Variants in CLOCK observed in about 807,000 individuals in gnomAD.
CLOCK encodes the protein clock circadian regulator.
Under a neutral mutation model 118.4 loss-of-function variants are expected in CLOCK, and 43 were observed. That is an observed-to-expected ratio of 0.36 (90% CI 0.28 to 0.47). The LOEUF (loss-of-function observed/expected upper bound fraction) is 0.47, where lower values mean the gene tolerates loss of function less well. Among genes scored for constraint, CLOCK ranks in the 20% least tolerant of loss-of-function variants. The probability of loss-of-function intolerance (pLI) is 1.00; values close to 1 mark genes in which losing one functional copy is unlikely to be tolerated. For synonymous variants in CLOCK, 326 were observed against 339.2 expected (o/e 0.96, Z 0.43); for missense variants, 846 against 999.9 (o/e 0.85, Z 2.08).
At chr4:55,480,897 A>AAG (rs386400097) in intron 4 of CLOCK, among the ~76,000 whole-genome samples, 2 of 145,776 alleles carry the variant, frequency 1.4e-5, no homozygotes, top group Admixed American at 7.1e-5. Flanking sequence ...TCTCAAAAAA[A>AAG]AAAAAGAGAT....
At position 55,439,432 on chromosome 4, in the gene CLOCK, C is replaced by T. The variant is rs533519165; in HGVS notation, c.2106-895G>A. On this transcript the variant is annotated intron_variant, in intron 21 of 22. Coordinates refer to ENST00000513440, the MANE Select transcript of CLOCK (RefSeq NM_004898.4). ...TGCTGGTGGGAATGTAAAAATGGTG[C>T]AGCCACTATGGAAAACAGTATGCAG... Among the ~76,000 whole-genome samples, 5 of 152,238 alleles carry T rather than the reference C, an allele frequency of 3.3e-5. No individual in the cohort carries two copies. In the East Asian group the frequency reaches 7.7e-4, roughly 24 times the overall value.
At chr4:55,517,347 A>G (rs1729579269) in intron 1 of CLOCK, among the ~76,000 whole-genome samples, 1 of 152,098 alleles carries the variant, frequency 6.6e-6, no homozygotes, top group East Asian at 1.9e-4. Context: ...TGTCTCTACT[A>G]AAAATACAAA....
chr4:55,536,094 C>T (rs2412651), intron 1 of CLOCK, among the ~76,000 whole-genome samples: 151,580 of 152,216 alleles, frequency 1, 75,478 homozygotes, highest in Middle Eastern at 1. Flanking sequence ...CCTCAGCATA[C>T]TTGCTGAATT....
chr4:55,477,259 G>A (rs1320146556), intron 6 of CLOCK, among the ~76,000 whole-genome samples: 1 of 151,954 alleles, frequency 6.6e-6, no homozygotes, highest in Non-Finnish European at 1.5e-5. Flanking sequence ...TATTGACGGG[G>A]AAATATATGC....
rs1378158185 is a variant in CLOCK at position 55,433,446 on chromosome 4, T to A, written c.*1969A>T. Reference sequence around the variant, plus strand: ...AAAGACAAAGTATATGCCTTAAGGATAACAGCAAAGCAGAGGACAGAGAAG... The same window carrying A: ...AAAGACAAAGTATATGCCTTAAGGAAAACAGCAAAGCAGAGGACAGAGAAG... On this transcript the variant is annotated 3_prime_UTR_variant, in exon 23 of 23. Transcript: ENST00000513440. 1.3e-5 allele frequency: 2 copies of A among 152,508 alleles called. No individual in the cohort carries two copies. Among genetic ancestry groups the A allele is most frequent in the Non-Finnish European group, 2.9e-5 (2 of 68,034 alleles). The allele number at this position is 152,508 out of a possible 1,614,324, so 9.4% of individuals were successfully genotyped here. A position where few individuals can be genotyped will look rare whatever the true frequency, so the allele number is the denominator to read the frequency against.
intron 7 of CLOCK, among the ~76,000 whole-genome samples, chr4:55,471,028 C>T (rs1183163381): frequency 6.6e-6 from 1 of 152,136 alleles, no homozygotes; most frequent in Non-Finnish European, 1.5e-5. Flanking sequence ...ATCTATTGGA[C>T]AACTGGTCTC....
intron 1 of CLOCK, among the ~76,000 whole-genome samples, chr4:55,539,642 A>C (rs1317726743): frequency 6.6e-6 from 1 of 151,908 alleles, no homozygotes; most frequent in Non-Finnish European, 1.5e-5. Context: ...AATAGAAAAA[A>C]TCACTGATAC....
chr4:55,445,462 G>A (rs1002224249), intron 18 of CLOCK, among the ~76,000 whole-genome samples: 8 of 151,966 alleles, frequency 5.3e-5, no homozygotes, highest in African/African-American at 1.4e-4. Context: ...ATCTTAGCCT[G>A]GCATGGGGGA....
intron 8 of CLOCK, among the ~76,000 whole-genome samples, chr4:55,467,522 T>A (rs561928577): frequency 8.0e-4 from 122 of 152,334 alleles, no homozygotes; most frequent in Non-Finnish European, 1.6e-3. Context: ...AGAAGCAGGC[T>A]TTGAGAAAGT....
chr4:55,481,212 T>C (rs1726911569), intron 4 of CLOCK, among the ~76,000 whole-genome samples: 1 of 152,136 alleles, frequency 6.6e-6, no homozygotes, highest in African/African-American at 2.4e-5. Flanking sequence ...AGATCACCTG[T>C]AACACTCATA....
chr4:55,485,207 C>T (rs567605826), intron 3 of CLOCK, among the ~76,000 whole-genome samples: 74 of 152,172 alleles, frequency 4.9e-4, no homozygotes, highest in African/African-American at 1.4e-3. Flanking sequence ...TCTGGTGATC[C>T]GCCTGCCTCA....
In CLOCK at chr4:55,444,637, A is replaced by T; in HGVS notation, c.1688T>A (p.Leu563Gln). The T allele has an allele frequency of 6.2e-7, 1 of 1,614,080 alleles. No individual in the cohort carries two copies. The highest frequency in any genetic ancestry group is 8.5e-7 in the Non-Finnish European group (1 of 1,179,994). Residue 563 changes from leucine (L) to glutamine (Q), a missense_variant, in exon 19 of 23, where the codon CTG becomes CAG. By Grantham distance (113) the Leu-to-Gln change is moderately radical. This residue lies in a region of CLOCK where 520 missense variants were observed against 558.0 expected (regional missense o/e 0.93). Coordinates refer to ENST00000513440, the MANE Select transcript of CLOCK (RefSeq NM_004898.4). ...EQLQMVHGQGLQMFLQQSNPG... is the reference protein window; with the variant it reads ...EQLQMVHGQGQQMFLQQSNPG... The stretch of plus-strand genomic sequence containing the variant: ...GTATTCAAATATAACAATTACCTGC[A>T]GCCCCTGACCATGGACCATCTGAAG...
chr4:55,493,862 G>A (rs1226278486), intron 2 of CLOCK, among the ~76,000 whole-genome samples: 1 of 152,150 alleles, frequency 6.6e-6, no homozygotes, highest in African/African-American at 2.4e-5. Context: ...TCTGGCTCAA[G>A]ACAAACATCA....
At chr4:55,457,130 T>G (rs377539327) in intron 11 of CLOCK, among the ~76,000 whole-genome samples, 175 of 152,290 alleles carry the variant, frequency 1.1e-3, no homozygotes, top group Non-Finnish European at 1.9e-3. Flanking sequence ...TTCAGACCTC[T>G]CTCCTGAATT....
intron 2 of CLOCK, among the ~76,000 whole-genome samples, chr4:55,500,743 G>A (rs1728379718): frequency 6.6e-6 from 1 of 152,132 alleles, no homozygotes; most frequent in Non-Finnish European, 1.5e-5. Flanking sequence ...TCACCTAATG[G>A]CTTTAGTAGT....
At chr4:55,530,647 C>G (rs1291900090) in intron 1 of CLOCK, among the ~76,000 whole-genome samples, 1 of 151,526 alleles carries the variant, frequency 6.6e-6, no homozygotes, top group Non-Finnish European at 1.5e-5. Flanking sequence ...TGGTGGCAAA[C>G]GCCTGTAATC....
chr4:55,487,274 T>C (rs1163175581), intron 3 of CLOCK, among the ~76,000 whole-genome samples: 4 of 152,176 alleles, frequency 2.6e-5, no homozygotes, highest in African/African-American at 4.8e-5. Context: ...TTTCCTCAGC[T>C]GTCTACTGAT....
rs968732777 is a variant in CLOCK, at chr4:55,546,886, C to T, written c.-394G>A. On this transcript the variant is annotated 5_prime_UTR_variant, in exon 1 of 23. Transcript: ENST00000513440. ...GCAAGCCGAGTCCGTGATTGCGCCC[C>T]CTCCCGGCGCATGCGTCGTCAGCGA... 1.3e-5 allele frequency: 2 copies of T among 152,146 alleles called. No homozygotes were observed. Among genetic ancestry groups the T allele is most frequent in the Non-Finnish European group, 2.9e-5 (2 of 68,040 alleles). The allele number at this position is 152,146 out of a possible 1,614,324, so 9.4% of individuals were successfully genotyped here. A position where few individuals can be genotyped will look rare whatever the true frequency, so the allele number is the denominator to read the frequency against.
chr4:55,520,128 A>G (rs1443211255), intron 1 of CLOCK, among the ~76,000 whole-genome samples: 1 of 152,234 alleles, frequency 6.6e-6, no homozygotes, highest in Non-Finnish European at 1.5e-5. Context: ...CTGTTATCCT[A>G]TAAAACTGTC....
Sources: gnomAD v4.1 joint callset for allele counts (sites outside exome capture counted in the v4.1 genomes callset) on GRCh38, gnomAD v4.1.1 for gene constraint, gnomAD v4.1.1 regional missense constraint, MANE v1.5 for transcripts, NCBI Gene and HGNC (gene_info 2026-07-23, HGNC 2026-07-21) for gene names.